Variants in DNAH3 observed in about 807,000 individuals in gnomAD.
DNAH3 encodes axonemal beta dynein heavy chain 3.
DNAH3 carries 332 observed loss-of-function variants against 432.5 expected under a neutral mutation model. The observed-to-expected ratio is 0.77, with a 90% CI of 0.70 to 0.84. The LOEUF (loss-of-function observed/expected upper bound fraction) is 0.84. Ranked by LOEUF, DNAH3 falls within the 40% of genes least tolerant of loss-of-function variation. DNAH3 has a pLI of 0.00. For missense variants in DNAH3, 4,861 were observed against 5,114.0 expected, an observed-to-expected ratio of 0.95 and a Z score of 1.51; for synonymous variants, 1,956 against 1,900.2, an observed-to-expected ratio of 1.03 and a Z score of -0.76.
intron 1 of DNAH3, among the ~76,000 whole-genome samples, chr16:21,153,779 C>CG (rs1341290112): frequency 1.4e-4 from 21 of 152,180 alleles, no homozygotes; most frequent in Admixed American, 9.2e-4. Flanking sequence ...CGAGGGCCCA[C>CG]GGCTTCATTC....
intron 31 of DNAH3, among the ~76,000 whole-genome samples, chr16:21,046,814 C>A (rs184305781): frequency 0.019 from 2,836 of 151,914 alleles, 92 homozygotes; most frequent in African/African-American, 0.064. Flanking sequence ...CGGCTGGTAC[C>A]GGTTGTTCCT....
chr16:21,092,810 A>T (rs922098999), intron 18 of DNAH3, among the ~76,000 whole-genome samples: 1 of 152,070 alleles, frequency 6.6e-6, no homozygotes, highest in African/African-American at 2.4e-5. Flanking sequence ...ACTTAAAAAT[A>T]GGCAAAAGCT....
intron 26 of DNAH3, 144 bp from the exon 27 acceptor site, chr16:21,058,340 T>C (rs886229531): frequency 8.3e-5 from 41 of 496,554 alleles, no homozygotes; most frequent in African/African-American, 7.9e-4. Context: ...TTGACATCTC[T>C]GGAATTACTG....
Position 21,122,853 on chromosome 16 carries a change from T to C in DNAH3, c.1405-729A>G, listed in dbSNP as rs945123585. ...TGTCCTTAGAGATGAGGTCTCACTATGTTGCCCAGGCTGGTCTTAAACTCC... is the reference window on the plus strand; with the variant it reads ...TGTCCTTAGAGATGAGGTCTCACTACGTTGCCCAGGCTGGTCTTAAACTCC... On this transcript the variant is annotated intron_variant, in intron 9 of 61. Coordinates refer to ENST00000261383, the Ensembl canonical transcript of DNAH3. Among the ~76,000 whole-genome samples the C allele has an allele frequency of 2.0e-5, 3 of 152,242 alleles. No homozygotes were observed. The East Asian group carries it at 5.8e-4, about 29-fold the overall frequency.
chr16:21,145,449 C>T (rs1229254266), intron 2 of DNAH3, 43 bp from the exon 4 acceptor site: 2 of 1,540,876 alleles, frequency 1.3e-6, no homozygotes, highest in Middle Eastern at 1.7e-4. Context: ...TGAGGAACAT[C>T]TCTCGATGAG....
exon 34 of DNAH3, chr16:21,037,818 C>G (rs1180470887): frequency 6.2e-7 from 1 of 1,614,172 alleles, no homozygotes. Context: ...CAAGCAATGC[C>G]CGGAGCAGCA....
In DNAH3 at chr16:20,963,798, G is replaced by T. The variant is rs764147721; in HGVS notation, c.10086C>A (p.Cys3362Ter). Residue 3362 changes from cysteine (C) to a stop codon, truncating the protein, a stop_gained, in exon 53 of 62, where the codon TGC (cysteine) becomes TGA (stop). Transcript: ENST00000261383. LOFTEE classifies it high-confidence loss of function. ...GCTTGTCCTTCTCAAACAGAGAACG[G>T]CACACGTTGTTGTAGATGCTCAGGG... 1 of 1,614,028 alleles carries T rather than the reference G, an allele frequency of 6.2e-7. No homozygotes were observed. The highest frequency in any genetic ancestry group is 8.5e-7 in the Non-Finnish European group (1 of 1,180,024).
At chr16:21,068,827 T>C (rs187190308) in intron 23 of DNAH3, among the ~76,000 whole-genome samples, 1 of 152,238 alleles carries the variant, frequency 6.6e-6, no homozygotes, top group East Asian at 1.9e-4. Flanking sequence ...TTGTAAGAAA[T>C]GACAGTTAAA....
intron 17 of DNAH3, 41 bp downstream of exon 17, chr16:21,098,575 A>G: frequency 6.3e-7 from 1 of 1,583,892 alleles, no homozygotes; most frequent in Non-Finnish European, 8.6e-7. Context: ...GAACCAATAG[A>G]CCAGTACAGT....
chr16:20,936,608 C>G, intron 60 of DNAH3, 41 bp downstream of exon 60: 1 of 1,538,670 alleles, frequency 6.5e-7, no homozygotes. Context: ...TCCACCTAAG[C>G]AAGCATGCCA....
intron 59 of DNAH3, among the ~76,000 whole-genome samples, chr16:20,939,988 T>A (rs1329872358): frequency 6.6e-6 from 1 of 152,230 alleles, no homozygotes; most frequent in Non-Finnish European, 1.5e-5. Context: ...AGAAGAGGAC[T>A]AGAATACAAG....
At chr16:20,970,131 G>T in intron 51 of DNAH3, 141 bp from the exon 52 acceptor site, 6 of 782,834 alleles carry the variant, frequency 7.7e-6, no homozygotes, top group Non-Finnish European at 1.3e-5. Context: ...CCTGCCGCTG[G>T]AGCTGGACAA....
At chr16:20,989,798 G>A (rs901748662) in intron 44 of DNAH3, among the ~76,000 whole-genome samples, 3 of 152,266 alleles carry the variant, frequency 2.0e-5, no homozygotes, top group Admixed American at 6.5e-5. Context: ...CGGCAAGGCA[G>A]CTAAGGCTCA....
At chr16:21,099,484 T>A (rs572584094) in intron 16 of DNAH3, among the ~76,000 whole-genome samples, 2 of 152,318 alleles carry the variant, frequency 1.3e-5, no homozygotes, top group South Asian at 4.1e-4. Flanking sequence ...TCATCCATAT[T>A]ATCAACAAAG....
chr16:20,975,291 A>G (rs1367714757), exon 51 of DNAH3: 4 of 1,614,140 alleles, frequency 2.5e-6, no homozygotes, highest in Non-Finnish European at 3.4e-6. Context: ...TGCCTGCACC[A>G]GAAGTTTCTT....
intron 1 of DNAH3, among the ~76,000 whole-genome samples, chr16:21,153,935 A>T (rs1258304016): frequency 2.0e-5 from 3 of 152,142 alleles, no homozygotes; most frequent in African/African-American, 7.2e-5. Context: ...CTCTTATATT[A>T]TGCTCTTTAT....
intron 48 of DNAH3, among the ~76,000 whole-genome samples, chr16:20,983,132 T>G (rs2085994562): frequency 1.3e-5 from 2 of 152,142 alleles, no homozygotes; most frequent in Non-Finnish European, 2.9e-5. Context: ...TTTTAATTTT[T>G]TATTTTTTAT....
exon 53 of DNAH3, chr16:20,963,868 C>T: frequency 6.2e-7 from 1 of 1,614,114 alleles, no homozygotes. Context: ...CAGTTCCTCG[C>T]TCTTCGTGCT....
Position 20,970,056 on chromosome 16 carries a change from G to A in DNAH3, c.8260-66C>T. 4 of 1,432,878 alleles carry A rather than the reference G, an allele frequency of 2.8e-6. No individual in the cohort carries two copies. The South Asian group carries it at 4.6e-5, about 16-fold the overall frequency. The allele number at this position is 1,432,878 out of a possible 1,614,324, so 88.8% of individuals were successfully genotyped here. On this transcript the variant is annotated intron_variant, in intron 51 of 61. Coordinates refer to ENST00000261383, the Ensembl canonical transcript of DNAH3. ...CCTGGCACAATGGGGGCGAAGCAGA[G>A]CTCCACTCCTACATGAGGAAGAAGG...
Sources: gnomAD v4.1 joint callset for allele counts (sites outside exome capture counted in the v4.1 genomes callset) on GRCh38, gnomAD v4.1.1 for gene constraint, MANE v1.5 for transcripts, NCBI Gene and HGNC (gene_info 2026-07-23, HGNC 2026-07-21) for gene names.